The following MGMT variants were observed in gnomAD, a reference collection of about 807,000 sequenced individuals.
The protein encoded by MGMT is O-6-methylguanine-DNA methyltransferase, also known as methylated-DNA--protein-cysteine methyltransferase.
MGMT carries 14 observed loss-of-function variants against 15.9 expected under a neutral mutation model. The observed-to-expected ratio is 0.88, with a 90% CI of 0.58 to 1.37. MGMT has a LOEUF of 1.37. MGMT is among the 40% of genes most tolerant of loss of function. The pLI is 0.00. For synonymous variants in MGMT, 130 were observed against 118.2 expected, an observed-to-expected ratio of 1.10 and a Z score of -0.65; for missense variants, 282 against 268.1, an observed-to-expected ratio of 1.05 and a Z score of -0.36.
intron 2 of MGMT, among the ~76,000 whole-genome samples, chr10:129,699,782 T>C (rs1338859071): frequency 6.6e-6 from 1 of 152,196 alleles, no homozygotes; most frequent in Non-Finnish European, 1.5e-5. Flanking sequence ...GAAGACCTCC[T>C]GTTTACTTCT....
chr10:129,629,743 T>C (rs1477923109), intron 2 of MGMT, among the ~76,000 whole-genome samples: 1 of 152,168 alleles, frequency 6.6e-6, no homozygotes, highest in African/African-American at 2.4e-5. Flanking sequence ...CCCAAGAGGA[T>C]GTTTCCCCAT....
At chr10:129,732,854 A>G (rs1051807846) in intron 3 of MGMT, among the ~76,000 whole-genome samples, 1 of 144,456 alleles carries the variant, frequency 6.9e-6, no homozygotes, top group African/African-American at 2.6e-5. Context: ...GATGATTTCC[A>G]ATTTCATCCA....
chr10:129,558,992 C>T (rs55650646), intron 2 of MGMT, among the ~76,000 whole-genome samples: 4,948 of 152,228 alleles, frequency 0.033, 130 homozygotes, highest in South Asian at 0.065. Flanking sequence ...GATTCAGAGA[C>T]GCAGTGCTTG....
chr10:129,685,019 A>G (rs1022804076), intron 2 of MGMT, among the ~76,000 whole-genome samples: 4 of 152,168 alleles, frequency 2.6e-5, no homozygotes, highest in Non-Finnish European at 5.9e-5. Context: ...TACGTGGGAA[A>G]AGCTTTTGAG....
rs10543851 is a variant in MGMT, at chr10:129,646,719, A to AATATATATATATAT, written c.126-61153_126-61140dup. Among the ~76,000 whole-genome samples, 136 of 81,568 alleles carry AATATATATATATAT rather than the reference A, an allele frequency of 1.7e-3. 1 individual carries two copies. The highest frequency in any genetic ancestry group is 3.5e-3 in the African/African-American group (73 of 21,058). The allele number at this position is 81,568 out of a possible 152,430, so 53.5% of individuals were successfully genotyped here. A position where few individuals can be genotyped will look rare whatever the true frequency, so the allele number is the denominator to read the frequency against. ...TTCCAGAAGCCTGCTGCCCATCAGAAATATATATATATATATATATATATA... is the reference window on the plus strand; with the variant it reads ...TTCCAGAAGCCTGCTGCCCATCAGAAATATATATATATATATATATATATATATATATATATATA... On this transcript the variant is annotated intron_variant, in intron 2 of 4. Coordinates refer to ENST00000651593, the MANE Select transcript of MGMT (RefSeq NM_002412.5).
At chr10:129,724,887 G>A (rs114666360) in intron 3 of MGMT, among the ~76,000 whole-genome samples, 1,700 of 152,236 alleles carry the variant, frequency 0.011, 27 homozygotes, top group African/African-American at 0.037. Flanking sequence ...GAAAACTGTG[G>A]CCTCCTTATC....
At chr10:129,504,872 C>A (rs1046911434) in intron 1 of MGMT, among the ~76,000 whole-genome samples, 3 of 152,112 alleles carry the variant, frequency 2.0e-5, no homozygotes, top group Admixed American at 6.5e-5. Context: ...ACTGTAGTGC[C>A]CTCCACCACC....
intron 2 of MGMT, among the ~76,000 whole-genome samples, chr10:129,658,706 G>T (rs774280508): frequency 1.3e-5 from 2 of 152,210 alleles, no homozygotes; most frequent in Non-Finnish European, 2.9e-5. Flanking sequence ...TTAGTTGATT[G>T]AAATGAAATT....
chr10:129,493,807 G>A (rs772493205), intron 1 of MGMT, among the ~76,000 whole-genome samples: 1 of 152,116 alleles, frequency 6.6e-6, no homozygotes, highest in South Asian at 2.1e-4. Flanking sequence ...TTTCAGAAAG[G>A]TTTGCTGCAA....
In MGMT at chr10:129,602,478, ATTTG is replaced by A. The variant is rs986250968; in HGVS notation, c.125+66106_125+66109del. 2.6e-5 allele frequency among the ~76,000 whole-genome samples: 4 copies of A among 152,188 alleles called. No homozygotes were observed. In the South Asian group the frequency reaches 6.2e-4, roughly 24 times the overall value. On this transcript the variant is annotated intron_variant, in intron 2 of 4. Transcript: ENST00000651593. ...GCGGATTCACCAAAATGAAGTTAAA[ATTTG>A]TTTGGGAAGTTGCTTGTACTGTGCC...
At chr10:129,724,882 CTG>C (rs1477667255) in intron 3 of MGMT, among the ~76,000 whole-genome samples, 3 of 152,154 alleles carry the variant, frequency 2.0e-5, no homozygotes, top group Admixed American at 6.5e-5. Flanking sequence ...ATCATGAAAA[CTG>C]TGGCCTCCTT....
chr10:129,581,559 T>G (rs1846555636), intron 2 of MGMT, among the ~76,000 whole-genome samples: 2 of 152,254 alleles, frequency 1.3e-5, no homozygotes, highest in South Asian at 4.1e-4. Flanking sequence ...ACTCTGGATC[T>G]AAATGGTCAG....
intron 2 of MGMT, among the ~76,000 whole-genome samples, chr10:129,704,377 C>T (rs1357731483): frequency 6.6e-6 from 1 of 152,068 alleles, no homozygotes; most frequent in Admixed American, 6.5e-5. Flanking sequence ...GTGACGGGAC[C>T]GACAAGGGTT....
intron 2 of MGMT, among the ~76,000 whole-genome samples, chr10:129,686,441 C>G (rs1187340427): frequency 6.6e-6 from 1 of 152,114 alleles, no homozygotes; most frequent in African/African-American, 2.4e-5. Flanking sequence ...GTGGTGTGAT[C>G]TCCTCTCACT....
At chr10:129,568,435 G>A (rs913089855) in intron 2 of MGMT, among the ~76,000 whole-genome samples, 2 of 152,146 alleles carry the variant, frequency 1.3e-5, no homozygotes, top group African/African-American at 4.8e-5. Flanking sequence ...AGAGGCAAGC[G>A]TGAATCAGAC....
At position 129,759,267 on chromosome 10, in the gene MGMT, T is replaced by C. The variant is rs1324563035; in HGVS notation, c.340T>C (p.Tyr114His). The change falls in exon 4 of 5, where the codon TAC (tyrosine) becomes CAC (histidine). Residue 114 changes from tyrosine to histidine, a missense_variant. Coordinates refer to ENST00000651593, the MANE Select transcript of MGMT (RefSeq NM_002412.5). ...TGTGAAATTCGGAGAAGTGATTTCT[T>C]ACCAGCAATTAGCAGCCCTGGCAGG... is the stretch of plus-strand genomic sequence containing the variant. ...KVVKFGEVIS[Y>H]QQLAALAGNP... 3.0e-5 allele frequency: 49 copies of C among 1,614,198 alleles called. No individual in the cohort carries two copies. The highest frequency in any genetic ancestry group is 4.2e-5 in the Non-Finnish European group (49 of 1,180,040).
At chr10:129,760,847 T>C (rs1754092391) in intron 4 of MGMT, among the ~76,000 whole-genome samples, 1 of 152,184 alleles carries the variant, frequency 6.6e-6, no homozygotes, top group African/African-American at 2.4e-5. Flanking sequence ...GTCCTCAGTT[T>C]TGGTGACAGT....
intron 2 of MGMT, among the ~76,000 whole-genome samples, chr10:129,592,987 G>C (rs1179274512): frequency 1.3e-5 from 2 of 152,164 alleles, no homozygotes; most frequent in Non-Finnish European, 2.9e-5. Context: ...TGATGCTTAA[G>C]GGTGAGACTG....
At chr10:129,594,540 G>A (rs186585338) in intron 2 of MGMT, among the ~76,000 whole-genome samples, 172 of 152,236 alleles carry the variant, frequency 1.1e-3, no homozygotes, top group Non-Finnish European at 1.6e-3. Context: ...CAAATGCCTC[G>A]GTACCTTTCA....
Sources: allele counts gnomAD v4.1 joint callset (sites outside exome capture counted in the v4.1 genomes callset), GRCh38; gene constraint gnomAD v4.1.1; transcripts MANE v1.5; gene names NCBI Gene and HGNC (gene_info 2026-07-23, HGNC 2026-07-21).